Variants in C13orf42 observed in about 807,000 individuals in gnomAD.
C13orf42 encodes uncharacterized protein C13orf42.
intron 1 of C13orf42, among the ~76,000 whole-genome samples, chr13:51,103,401 T>C (rs912909719): frequency 7.2e-5 from 11 of 152,028 alleles, no homozygotes; most frequent in African/African-American, 2.7e-4. Context: ...TGATCAGTCA[T>C]AGAAAGAAAG....
intron 1 of C13orf42, among the ~76,000 whole-genome samples, chr13:51,097,569 A>G (rs531778708): frequency 6.6e-6 from 1 of 152,270 alleles, no homozygotes; most frequent in East Asian, 1.9e-4. Context: ...CTACACTATG[A>G]CATTCCCGCA....
rs1430890760 is a variant in C13orf42 at position 51,171,018 on chromosome 13, A to C, written n.136+1235T>G. 2.6e-5 allele frequency among the ~76,000 whole-genome samples: 4 copies of C among 151,032 alleles called. 1 individual carries two copies. The South Asian group carries it at 6.4e-4, about 24-fold the overall frequency. ...CCTGACCTCTTATCTCTGTGCCCCCATCCCTTATTTCCGTGCCCCAACCCC... is the reference window on the plus strand; with the variant it reads ...CCTGACCTCTTATCTCTGTGCCCCCCTCCCTTATTTCCGTGCCCCAACCCC... On this transcript the variant is annotated intron_variant and non_coding_transcript_variant, in intron 1 of 4. Transcript: ENST00000433280.
intron 1 of C13orf42, among the ~76,000 whole-genome samples, chr13:51,166,569 T>A (rs1434830425): frequency 6.9e-6 from 1 of 144,706 alleles, no homozygotes; most frequent in African/African-American, 2.5e-5. Flanking sequence ...AATGTGCACA[T>A]GTACCCTAAA....
intron 1 of C13orf42, among the ~76,000 whole-genome samples, chr13:51,133,562 T>C (rs983480145): frequency 6.6e-6 from 1 of 151,996 alleles, no homozygotes; most frequent in Non-Finnish European, 1.5e-5. Context: ...TTATTAAATA[T>C]ATATTTTTTA....
At chr13:51,091,714 G>A (rs777873121) in intron 1 of C13orf42, among the ~76,000 whole-genome samples, 19 of 152,070 alleles carry the variant, frequency 1.2e-4, no homozygotes, top group Non-Finnish European at 2.4e-4. Flanking sequence ...ACAGGGACCC[G>A]AACATAGGGG....
intron 1 of C13orf42, among the ~76,000 whole-genome samples, chr13:51,120,746 G>A (rs1376238763): frequency 6.6e-6 from 1 of 152,162 alleles, no homozygotes; most frequent in Admixed American, 6.5e-5. Context: ...AGGTGAGGTG[G>A]CTCACACCTG....
intron 1 of C13orf42, among the ~76,000 whole-genome samples, chr13:51,167,972 T>C (rs1953914862): frequency 6.6e-6 from 1 of 152,212 alleles, no homozygotes; most frequent in African/African-American, 2.4e-5. Context: ...TGCCTCTCAG[T>C]GTGTATGTCC....
At chr13:51,164,522 G>A (rs1431856539) in intron 1 of C13orf42, among the ~76,000 whole-genome samples, 1 of 152,074 alleles carries the variant, frequency 6.6e-6, no homozygotes, top group Non-Finnish European at 1.5e-5. Flanking sequence ...AATTAGCCAG[G>A]AGTAGCACAC....
At chr13:51,171,267 A>G (rs578141110) in intron 1 of C13orf42, among the ~76,000 whole-genome samples, 1 of 152,274 alleles carries the variant, frequency 6.6e-6, no homozygotes, top group East Asian at 1.9e-4. Flanking sequence ...CAAACTCGAC[A>G]GTAGTTCCAA....
Position 51,084,182 on chromosome 13 carries a change from C to T in C13orf42, c.947G>A (p.Arg316Gln), listed in dbSNP as rs114890743. 556 of 398,706 alleles carry T rather than the reference C, an allele frequency of 1.4e-3. 5 individuals are homozygous for T. Among genetic ancestry groups the T allele is most frequent in the African/African-American group, 0.01 (508 of 48,772 alleles). The allele number at this position is 398,706 out of a possible 1,614,324, so 24.7% of individuals were successfully genotyped here. A position where few individuals can be genotyped will look rare whatever the true frequency, so the allele number is the denominator to read the frequency against. ...TENPKGQWLL[R>Q]ERLWERTVP ...CACCGTCCGCTCCCAAAGTCTTTCT[C>T]GAAGCAGCCACTGTCCTTTGGGGTT... The change falls in exon 4 of 4, where the codon CGA becomes CAA. Residue 316 changes from arginine (R) to glutamine (Q), a missense_variant. Transcript: ENST00000563710.
intron 1 of C13orf42, among the ~76,000 whole-genome samples, chr13:51,098,383 A>G (rs1361059364): frequency 6.6e-6 from 1 of 152,000 alleles, no homozygotes; most frequent in African/African-American, 2.4e-5. Context: ...CACCTCTTCT[A>G]CTTGGCAATT....
intron 1 of C13orf42, among the ~76,000 whole-genome samples, chr13:51,132,493 A>G (rs1222680120): frequency 2.0e-5 from 3 of 152,032 alleles, no homozygotes; most frequent in Non-Finnish European, 4.4e-5. Context: ...ACACTTATTC[A>G]TCTTCTGGAT....
intron 2 of C13orf42, among the ~76,000 whole-genome samples, chr13:51,085,780 G>A (rs1456356259): frequency 6.6e-6 from 1 of 152,188 alleles, no homozygotes; most frequent in African/African-American, 2.4e-5. Context: ...CCAGGTGCGG[G>A]GGCTCACGCC....
intron 1 of C13orf42, among the ~76,000 whole-genome samples, chr13:51,150,237 A>T (rs1953768543): frequency 6.6e-6 from 1 of 152,220 alleles, no homozygotes; most frequent in Non-Finnish European, 1.5e-5. Flanking sequence ...ATATTTTTTA[A>T]CAGGCAGCCC....
intron 1 of C13orf42, among the ~76,000 whole-genome samples, chr13:51,159,033 A>T (rs568015655): frequency 6.6e-6 from 1 of 152,186 alleles, no homozygotes; most frequent in Non-Finnish European, 1.5e-5. Context: ...ATTTCCTCAC[A>T]GTTCTCAGGG....
At chr13:51,100,530 A>G (rs1454231910) in intron 1 of C13orf42, among the ~76,000 whole-genome samples, 2 of 152,202 alleles carry the variant, frequency 1.3e-5, no homozygotes, top group Non-Finnish European at 2.9e-5. Flanking sequence ...AATAAGAAGT[A>G]TGCATTTTTA....
At chr13:51,171,605 A>G (rs1454270818) in intron 1 of C13orf42, among the ~76,000 whole-genome samples, 2 of 151,852 alleles carry the variant, frequency 1.3e-5, no homozygotes, top group African/African-American at 2.4e-5. Flanking sequence ...CCTCCACCCT[A>G]TAATCTTTTT....
At chr13:51,155,643 C>A (rs541268329) in intron 1 of C13orf42, among the ~76,000 whole-genome samples, 8 of 152,374 alleles carry the variant, frequency 5.3e-5, no homozygotes, top group African/African-American at 1.9e-4. Context: ...TTACCTCTCA[C>A]ACTCGCTGCA....
intron 2 of C13orf42, among the ~76,000 whole-genome samples, chr13:51,086,172 T>A (rs1429201110): frequency 6.6e-6 from 1 of 151,650 alleles, no homozygotes; most frequent in African/African-American, 2.4e-5. Context: ...CCGGGCGTGG[T>A]GGTGAGCGCC....
Sources: gnomAD v4.1 joint callset for allele counts (sites outside exome capture counted in the v4.1 genomes callset) on GRCh38, gnomAD v4.1.1 for gene constraint, MANE v1.5 for transcripts, NCBI Gene and HGNC (gene_info 2026-07-23, HGNC 2026-07-21) for gene names.